GLCCI1: variants seen among roughly 807,000 people sequenced by gnomAD.
GLCCI1 encodes the protein glucocorticoid-induced transcript 1 protein.
Under a neutral mutation model 52.2 loss-of-function variants are expected in GLCCI1, and 24 were observed. The observed-to-expected ratio is 0.46, with a 90% confidence interval of 0.33 to 0.65. The LOEUF (loss-of-function observed/expected upper bound fraction) is 0.65, where lower values mean the gene tolerates loss of function less well. GLCCI1 is among the 30% of genes least tolerant of loss of function. The pLI is 0.02. For missense variants in GLCCI1, 704 were observed against 701.5 expected (o/e 1.00, Z -0.04); for synonymous variants, 310 against 276.5 (o/e 1.12, Z -1.20).
intron 3 of GLCCI1, among the ~76,000 whole-genome samples, chr7:8,037,404 A>G (rs933285024): frequency 6.6e-6 from 1 of 152,178 alleles, no homozygotes; most frequent in African/African-American, 2.4e-5. Context: ...ATTTCTAAAC[A>G]TGGAAATGAA....
intron 3 of GLCCI1, among the ~76,000 whole-genome samples, chr7:8,026,786 G>T (rs758444621): frequency 6.6e-5 from 10 of 152,220 alleles, no homozygotes; most frequent in Non-Finnish European, 1.5e-4. Flanking sequence ...CTTTTTATTG[G>T]CAAGCTTTAA....
At chr7:7,978,878 T>C (rs1780551640) in intron 1 of GLCCI1, among the ~76,000 whole-genome samples, 1 of 152,176 alleles carries the variant, frequency 6.6e-6, no homozygotes, top group African/African-American at 2.4e-5. Context: ...TCTATGAAGG[T>C]ACAAAAATAT....
chr7:8,057,989 A>C (rs1782435562), intron 4 of GLCCI1, among the ~76,000 whole-genome samples: 3 of 152,196 alleles, frequency 2.0e-5, no homozygotes, highest in Admixed American at 1.3e-4. Flanking sequence ...ACATGAAACA[A>C]ATTGGTAAAT....
intron 1 of GLCCI1, among the ~76,000 whole-genome samples, chr7:7,991,494 A>G (rs1310696918): frequency 6.6e-6 from 1 of 152,068 alleles, no homozygotes; most frequent in African/African-American, 2.4e-5. Context: ...GCATAATTTG[A>G]TTGTCCTTTT....
At chr7:8,082,718 CTG>C (rs1300011149) in intron 6 of GLCCI1, among the ~76,000 whole-genome samples, 1 of 152,134 alleles carries the variant, frequency 6.6e-6, no homozygotes, top group Non-Finnish European at 1.5e-5. Context: ...GGGTAAAACT[CTG>C]TTAAAAGATG....
At chr7:8,030,784 G>A (rs1244975330) in intron 3 of GLCCI1, among the ~76,000 whole-genome samples, 2 of 152,088 alleles carry the variant, frequency 1.3e-5, no homozygotes, top group Non-Finnish European at 2.9e-5. Flanking sequence ...ATACGAAAAG[G>A]TGCTCAGCAT....
At chr7:8,013,549 T>G (rs966300486) in intron 2 of GLCCI1, among the ~76,000 whole-genome samples, 1 of 152,208 alleles carries the variant, frequency 6.6e-6, no homozygotes, top group African/African-American at 2.4e-5. Context: ...TTTTATAATT[T>G]GTACAATTCC....
At chr7:7,991,091 C>G (rs181888433) in intron 1 of GLCCI1, among the ~76,000 whole-genome samples, 90 of 152,220 alleles carry the variant, frequency 5.9e-4, no homozygotes, top group Admixed American at 1.0e-3. Flanking sequence ...GGCTGGAAAT[C>G]ATACCTTACT....
At chr7:8,010,617 T>A (rs1197810418) in intron 2 of GLCCI1, among the ~76,000 whole-genome samples, 2 of 152,238 alleles carry the variant, frequency 1.3e-5, no homozygotes, top group Non-Finnish European at 2.9e-5. Context: ...TTTATCTGAT[T>A]TTGTTTTAAA....
chr7:8,080,253 G>A (rs897462780), intron 6 of GLCCI1, among the ~76,000 whole-genome samples: 1 of 151,400 alleles, frequency 6.6e-6, no homozygotes, highest in African/African-American at 2.5e-5. Flanking sequence ...GTAATTTTAA[G>A]TACTATTCAG....
chr7:8,059,441 T>A (rs1782468357), intron 4 of GLCCI1, among the ~76,000 whole-genome samples: 1 of 152,210 alleles, frequency 6.6e-6, no homozygotes, highest in African/African-American at 2.4e-5. Context: ...TTTTCTTATT[T>A]CTTTCTTGTT....
At chr7:8,004,212 A>G in intron 2 of GLCCI1, 153 bp downstream of exon 2, 3 of 709,692 alleles carry the variant, frequency 4.2e-6, no homozygotes, top group South Asian at 5.4e-5. Context: ...TAAACTTTGC[A>G]GTAATTGTTT....
chr7:8,042,525 A>G (rs1188335633), intron 3 of GLCCI1, among the ~76,000 whole-genome samples: 2 of 152,220 alleles, frequency 1.3e-5, no homozygotes, highest in East Asian at 1.9e-4. Flanking sequence ...TTAGAAGTGG[A>G]ACATGGGCTG....
chr7:7,976,498 AGG>A (rs1237999473), intron 1 of GLCCI1, among the ~76,000 whole-genome samples: 1,642 of 131,664 alleles, frequency 0.012, 4 homozygotes, highest in African/African-American at 0.02. Context: ...AAAAAAAAAA[AGG>A]AAAGGAAAAA....
intron 1 of GLCCI1, among the ~76,000 whole-genome samples, chr7:7,997,053 T>C (rs1055066083): frequency 6.6e-6 from 1 of 152,210 alleles, no homozygotes; most frequent in African/African-American, 2.4e-5. Context: ...GGAAGACTAT[T>C]AATGGCTGTT....
intron 3 of GLCCI1, among the ~76,000 whole-genome samples, chr7:8,052,425 T>C (rs1003159505): frequency 6.6e-6 from 1 of 152,206 alleles, no homozygotes; most frequent in Admixed American, 6.5e-5. Flanking sequence ...TTTCCTAGTT[T>C]TGAGTTGGTT....
chr7:8,004,165 C>T, intron 2 of GLCCI1, 106 bp downstream of exon 2: 4 of 1,022,990 alleles, frequency 3.9e-6, no homozygotes, highest in Non-Finnish European at 4.2e-6. Flanking sequence ...TGAAATACAT[C>T]CAACCAAGGA....
intron 3 of GLCCI1, among the ~76,000 whole-genome samples, chr7:8,047,330 G>C (rs536466456): frequency 6.6e-6 from 1 of 152,082 alleles, no homozygotes; most frequent in African/African-American, 2.4e-5. Flanking sequence ...AATTGTACGC[G>C]TATACTTTTC....
At chr7:7,976,921 C>CAAA (rs35442365) in intron 1 of GLCCI1, among the ~76,000 whole-genome samples, 1 of 118,826 alleles carries the variant, frequency 8.4e-6, no homozygotes, top group Non-Finnish European at 1.8e-5. Flanking sequence ...GGTGTTGTCT[C>CAAA]AAAAAAAAAA....
Sources: gnomAD v4.1 joint callset for allele counts (sites outside exome capture counted in the v4.1 genomes callset) on GRCh38, gnomAD v4.1.1 for gene constraint, MANE v1.5 for transcripts, NCBI Gene and HGNC (gene_info 2026-07-23, HGNC 2026-07-21) for gene names.